The following PLEKHA7 variants were observed in gnomAD, a reference collection of about 807,000 sequenced individuals.
PLEKHA7 encodes pleckstrin homology domain-containing family A member 7.
Under a neutral mutation model 170.0 loss-of-function variants are expected in PLEKHA7, and 104 were observed. That is an observed-to-expected ratio of 0.61 (90% CI 0.52 to 0.72). The LOEUF (loss-of-function observed/expected upper bound fraction) is 0.72, where lower values mean the gene tolerates loss of function less well. Ranked by LOEUF, PLEKHA7 falls within the 30% of genes least tolerant of loss-of-function variation. The pLI is 0.00. For synonymous variants in PLEKHA7, 648 were observed against 660.8 expected (o/e 0.98, Z 0.30); for missense variants, 1,615 against 1,671.7 (o/e 0.97, Z 0.59).
At chr11:16,814,437 G>A (rs10766349) in intron 12 of PLEKHA7, among the ~76,000 whole-genome samples, 18,811 of 152,148 alleles carry the variant, frequency 0.12, 1,320 homozygotes, top group Admixed American at 0.23. Flanking sequence ...GACCAGCCTC[G>A]TTGGCTGAAC....
intron 3 of PLEKHA7, among the ~76,000 whole-genome samples, chr11:16,969,478 G>A (rs1862579008): frequency 6.6e-6 from 1 of 152,100 alleles, no homozygotes; most frequent in Non-Finnish European, 1.5e-5. Flanking sequence ...GACAGATGAT[G>A]ATCCCATGCT....
intron 3 of PLEKHA7, among the ~76,000 whole-genome samples, chr11:16,954,549 A>T (rs958000332): frequency 6.6e-5 from 10 of 151,848 alleles, no homozygotes; most frequent in African/African-American, 9.7e-5. Flanking sequence ...AAAAAAAAAC[A>T]AAAACTAATA....
chr11:16,800,816 C>T (rs1483240538), intron 17 of PLEKHA7, among the ~76,000 whole-genome samples, 158 bp downstream of exon 17: 3 of 152,104 alleles, frequency 2.0e-5, no homozygotes, highest in Admixed American at 2.0e-4. Flanking sequence ...CAAGGGAGAG[C>T]TTGGGGTGGC....
rs545440006 is a variant in PLEKHA7, at chr11:16,940,462, G to A, written c.222-69280C>T. Among the ~76,000 whole-genome samples the A allele has an allele frequency of 1.3e-4, 19 of 151,820 alleles. No homozygotes were observed. The South Asian group carries it at 4.0e-3, about 32-fold the overall frequency. On this transcript the variant is annotated intron_variant, in intron 3 of 26. Transcript: ENST00000531066. ...GCCACCATGCCTGGCTAATTTTTTT[G>A]TATTTTTAGTACAGACGGGGTTCCA...
At chr11:16,978,206 G>A (rs941317144) in intron 3 of PLEKHA7, among the ~76,000 whole-genome samples, 1 of 152,206 alleles carries the variant, frequency 6.6e-6, no homozygotes, top group African/African-American at 2.4e-5. Flanking sequence ...TATTTTGTAA[G>A]AGAGGGAGAA....
Position 16,854,951 on chromosome 11 carries a change from C to G in PLEKHA7, c.460G>C (p.Asp154His). Residue 154 changes from aspartate to histidine, a missense_variant, in exon 6 of 27, where the codon GAC (aspartate) becomes CAC (histidine). Asp to His is a moderately conservative substitution (Grantham distance 81). Coordinates refer to ENST00000531066, the MANE Select transcript of PLEKHA7 (RefSeq NM_001329630.2). ...SSKVHSFGKR[D>H]QAIRRNPNVP... ...TTGGGGTTCCTCCGAATGGCCTGGT[C>G]TCTCTTCCCAAAGCTGTGGACTTTA... 6.2e-7 allele frequency: 1 copy of G among 1,614,154 alleles called. No homozygotes were observed. Among genetic ancestry groups the G allele is most frequent in the Non-Finnish European group, 8.5e-7 (1 of 1,180,022 alleles).
chr11:16,816,563 G>A (rs771221164), intron 11 of PLEKHA7, among the ~76,000 whole-genome samples: 6 of 152,152 alleles, frequency 3.9e-5, no homozygotes, highest in South Asian at 2.1e-4. Context: ...GTCTCTCAGC[G>A]CCTCAGAGTT....
rs1249872711 is a variant in PLEKHA7 at position 16,778,007 on chromosome 11, C to G, written c.*991G>C. On this transcript the variant is annotated 3_prime_UTR_variant, in exon 27 of 27. Coordinates refer to ENST00000531066, the MANE Select transcript of PLEKHA7 (RefSeq NM_001329630.2). ...AAAGCAGGCTGGGCGTGGTGGCTCA[C>G]GGCTGTAATCCCAACACTTTGGGAT... 2.0e-5 allele frequency: 3 copies of G among 152,086 alleles called. No individual in the cohort carries two copies. The highest frequency in any genetic ancestry group is 4.4e-5 in the Non-Finnish European group (3 of 68,042). The allele number at this position is 152,086 out of a possible 1,614,324, so 9.4% of individuals were successfully genotyped here. A position where few individuals can be genotyped will look rare whatever the true frequency, so the allele number is the denominator to read the frequency against.
intron 3 of PLEKHA7, among the ~76,000 whole-genome samples, chr11:17,008,550 T>C (rs1175983864): frequency 1.3e-5 from 2 of 152,188 alleles, no homozygotes; most frequent in African/African-American, 4.8e-5. Context: ...CCCAATCTCC[T>C]TCCCAGTAAG....
chr11:16,944,849 C>T (rs1860924901), intron 3 of PLEKHA7, among the ~76,000 whole-genome samples: 1 of 152,194 alleles, frequency 6.6e-6, no homozygotes, highest in Non-Finnish European at 1.5e-5. Flanking sequence ...CACAAATATA[C>T]ATTATCTCAT....
intron 3 of PLEKHA7, among the ~76,000 whole-genome samples, chr11:16,959,222 C>CCACT (rs1861894525): frequency 5.6e-5 from 2 of 35,712 alleles, no homozygotes; most frequent in African/African-American, 2.2e-4. Flanking sequence ...TCTTTCTGCT[C>CCACT]CCCTCTCTCC....
In PLEKHA7 at chr11:16,813,804, C is replaced by T. The variant is rs74896885; in HGVS notation, c.1954-638G>A. 9.5e-3 allele frequency among the ~76,000 whole-genome samples: 1,441 copies of T among 152,296 alleles called. 15 individuals are homozygous for T. Among genetic ancestry groups the T allele is most frequent in the African/African-American group, 0.033 (1,371 of 41,556 alleles). On this transcript the variant is annotated intron_variant, in intron 12 of 26. Coordinates refer to ENST00000531066, the MANE Select transcript of PLEKHA7 (RefSeq NM_001329630.2). ...GCAGGTGCAAGGTCAGACCTATCTGCTTGTGGCATCTCTGACAATCTATCA... is the reference window on the plus strand; with the variant it reads ...GCAGGTGCAAGGTCAGACCTATCTGTTTGTGGCATCTCTGACAATCTATCA...
chr11:16,890,968 G>A (rs1325439875), intron 3 of PLEKHA7, among the ~76,000 whole-genome samples: 1 of 151,936 alleles, frequency 6.6e-6, no homozygotes, highest in Admixed American at 6.6e-5. Context: ...TGGCATGATG[G>A]TAGCTTACTG....
chr11:16,996,763 C>T (rs1211150961), intron 3 of PLEKHA7, among the ~76,000 whole-genome samples: 1 of 152,040 alleles, frequency 6.6e-6, no homozygotes, highest in Non-Finnish European at 1.5e-5. Context: ...GGTGAAACCC[C>T]GTCTCTACTA....
Position 16,777,898 on chromosome 11 carries a change from C to T in PLEKHA7, c.*1100G>A, listed in dbSNP as rs746096739. The stretch of plus-strand genomic sequence containing the variant: ...GGAAGGGATTTCTAGGTAGATGTCA[C>T]CCAGTGTGGAGTTTATTGCTACGAT... On this transcript the variant is annotated 3_prime_UTR_variant, in exon 27 of 27. Coordinates refer to ENST00000531066, the MANE Select transcript of PLEKHA7 (RefSeq NM_001329630.2). 2.6e-5 allele frequency: 4 copies of T among 152,240 alleles called. No individual in the cohort carries two copies. In the South Asian group the frequency reaches 8.3e-4, roughly 32 times the overall value. The allele number at this position is 152,240 out of a possible 1,614,324, so 9.4% of individuals were successfully genotyped here. A position where few individuals can be genotyped will look rare whatever the true frequency, so the allele number is the denominator to read the frequency against.
chr11:16,887,275 C>A (rs1188810121), intron 3 of PLEKHA7, among the ~76,000 whole-genome samples: 2 of 150,390 alleles, frequency 1.3e-5, no homozygotes, highest in Non-Finnish European at 3.0e-5. Context: ...GGCAAAACCC[C>A]ATCTCTACTA....
chr11:16,979,729 A>G (rs547802118), intron 3 of PLEKHA7, among the ~76,000 whole-genome samples: 24 of 152,288 alleles, frequency 1.6e-4, no homozygotes, highest in African/African-American at 5.3e-4. Flanking sequence ...AAAAAAAGAC[A>G]TATTTCCTCC....
chr11:16,780,602 A>C (rs1018585915), intron 26 of PLEKHA7, among the ~76,000 whole-genome samples: 1 of 152,138 alleles, frequency 6.6e-6, no homozygotes, highest in African/African-American at 2.4e-5. Context: ...CAGCCCCCCA[A>C]GGCTGGCAGT....
intron 3 of PLEKHA7, among the ~76,000 whole-genome samples, chr11:16,913,677 C>G (rs1052307414): frequency 2.0e-5 from 3 of 152,218 alleles, no homozygotes; most frequent in African/African-American, 4.8e-5. Flanking sequence ...ACTGGAAAGG[C>G]TGACCCAGTA....
Sources: allele counts gnomAD v4.1 joint callset (sites outside exome capture counted in the v4.1 genomes callset), GRCh38; gene constraint gnomAD v4.1.1; transcripts MANE v1.5; gene names NCBI Gene and HGNC (gene_info 2026-07-23, HGNC 2026-07-21).